ERAP1: variants seen among roughly 807,000 people sequenced by gnomAD.
The protein encoded by ERAP1 is adipocyte-derived leucine aminopeptidase.
ERAP1 carries 86 observed loss-of-function variants against 103.7 expected under a neutral mutation model. That is an observed-to-expected ratio of 0.83 (90% CI 0.70 to 0.99). The LOEUF (loss-of-function observed/expected upper bound fraction) is 0.99. ERAP1 is among the 50% of genes least tolerant of loss of function. The probability of loss-of-function intolerance (pLI) is 0.00; values close to 1 mark genes in which losing one functional copy is unlikely to be tolerated. For synonymous variants in ERAP1, 398 were observed against 402.4 expected, an observed-to-expected ratio of 0.99 and a Z score of 0.13; for missense variants, 1,009 against 1,128.4, an observed-to-expected ratio of 0.89 and a Z score of 1.52.
the ERAP1 span, among the ~76,000 whole-genome samples, chr5:96,854,472 G>A: frequency 6.6e-6 from 1 of 152,016 alleles, no homozygotes; most frequent in East Asian, 1.9e-4. Context: ...AAACCTCTGA[G>A]CACTCTTAAT....
At chr5:96,919,619 AAGT>A in the ERAP1 span, 1 of 152,172 alleles carries the variant, frequency 6.6e-6, no homozygotes, top group Non-Finnish European at 1.5e-5. Context: ...TGAGTACAGA[AAGT>A]AGCAATTTTA....
chr5:96,861,542 T>G, the ERAP1 span, among the ~76,000 whole-genome samples: 1 of 152,206 alleles, frequency 6.6e-6, no homozygotes, highest in Non-Finnish European at 1.5e-5. Flanking sequence ...AAAGCCTTAA[T>G]CAGAATTGGC....
At chr5:96,843,242 T>G in the ERAP1 span, among the ~76,000 whole-genome samples, 2 of 152,182 alleles carry the variant, frequency 1.3e-5, no homozygotes, top group Admixed American at 1.3e-4. Flanking sequence ...TTCTCGAGGT[T>G]TCCCACTGGT....
chr5:96,815,408 TTTTTTA>T, the ERAP1 span, among the ~76,000 whole-genome samples: 16 of 65,388 alleles, frequency 2.4e-4, no homozygotes, highest in South Asian at 5.7e-3. Context: ...GTTTGTTTTG[TTTTTTA>T]TTTTTTTTTT....
At position 96,775,950 on chromosome 5, in the gene ERAP1, T is replaced by C. The variant is rs1774200905; in HGVS notation, c.*446A>G. ...GGGATGGGCAGCGGGTCTGGAGGGGTGAGCCGGGAGAGCTTTAACCCAGTC... is the reference window on the plus strand; with the variant it reads ...GGGATGGGCAGCGGGTCTGGAGGGGCGAGCCGGGAGAGCTTTAACCCAGTC... On this transcript the variant is annotated 3_prime_UTR_variant, in exon 19 of 19. Transcript: ENST00000443439. 2.9e-6 allele frequency: 3 copies of C among 1,038,322 alleles called. No homozygotes were observed. The South Asian group carries it at 9.8e-5, about 34-fold the overall frequency. 64.3% of individuals were successfully genotyped at this position (1,038,322 alleles called of 1,614,324 possible).
the ERAP1 span, among the ~76,000 whole-genome samples, chr5:96,850,226 A>T: frequency 6.6e-6 from 1 of 152,182 alleles, no homozygotes; most frequent in Admixed American, 6.5e-5. Flanking sequence ...CAGGTAATAA[A>T]AGCAAAATAG....
At position 96,785,503 on chromosome 5, in the gene ERAP1, G is replaced by A. The variant is rs955412836; in HGVS notation, c.1943+285C>T. 4.6e-5 allele frequency: 19 copies of A among 413,502 alleles called. No individual in the cohort carries two copies. In the Middle Eastern group the frequency reaches 2.3e-3, roughly 50 times the overall value. 25.6% of individuals were successfully genotyped at this position (413,502 alleles called of 1,614,324 possible). A position where few individuals can be genotyped will look rare whatever the true frequency, so the allele number is the denominator to read the frequency against. On this transcript the variant is annotated intron_variant, in intron 13 of 18. Coordinates refer to ENST00000443439, the MANE Select transcript of ERAP1 (RefSeq NM_001040458.3). The stretch of plus-strand genomic sequence containing the variant: ...CCGCGGGGACAAGGCAAGGAGTTTC[G>A]CCAGGATGTTGATCTCCTGGTTATC...
At chr5:96,815,578 ATTTTTGTAC>A in the ERAP1 span, among the ~76,000 whole-genome samples, 1 of 151,798 alleles carries the variant, frequency 6.6e-6, no homozygotes, top group Non-Finnish European at 1.5e-5. Flanking sequence ...CATCCGGCTA[ATTTTTGTAC>A]TTTTAGTAGA....
At chr5:96,826,068 G>A in the ERAP1 span, among the ~76,000 whole-genome samples, 4 of 152,260 alleles carry the variant, frequency 2.6e-5, no homozygotes, top group African/African-American at 4.8e-5. Flanking sequence ...CCTTCATTCC[G>A]CATCCCTGAT....
At chr5:96,856,349 A>AAAAT in the ERAP1 span, among the ~76,000 whole-genome samples, 1 of 8,538 alleles carries the variant, frequency 1.2e-4, no homozygotes, top group East Asian at 4.9e-3. Context: ...AAAAAAAAAA[A>AAAAT]ATATATATAT....
upstream of ERAP1, among the ~76,000 whole-genome samples, chr5:96,810,153 G>A (rs961178886): frequency 1.3e-5 from 2 of 152,214 alleles, no homozygotes; most frequent in Admixed American, 6.5e-5. Context: ...CGTCTTTAGA[G>A]TTGAAGTGCA....
the ERAP1 span, among the ~76,000 whole-genome samples, chr5:96,860,696 A>C: frequency 9.9e-5 from 15 of 152,140 alleles, no homozygotes; most frequent in Non-Finnish European, 1.9e-4. Flanking sequence ...TTCCACAAGA[A>C]GGAGTTGGCT....
In ERAP1 at chr5:96,785,793, G is replaced by A. The variant is rs76598089; in HGVS notation, c.1938C>T (p.Leu646=). The change falls in exon 13 of 19, where the codon CTC becomes CTT. Residue 646 remains leucine (L), a synonymous_variant. Coordinates refer to ENST00000443439, the MANE Select transcript of ERAP1 (RefSeq NM_001040458.3). ...RASLINNAFQ[L]VSIGKLSIEK... ...CTTTGTGCAGCGTGTATTACCTGAC[G>A]AGCTGAAATGCATTGTTAATGAGAC... 1,098 of 1,614,026 alleles carry A rather than the reference G, an allele frequency of 6.8e-4. 4 individuals carry two copies. The African/African-American group carries it at 0.012, about 18-fold the overall frequency.
intron 18 of ERAP1, among the ~76,000 whole-genome samples, chr5:96,780,056 T>C (rs536844417): frequency 1.3e-5 from 2 of 152,362 alleles, no homozygotes; most frequent in Admixed American, 6.5e-5. Flanking sequence ...GGATGGTTTA[T>C]AAAGAACCTA....
the ERAP1 span, among the ~76,000 whole-genome samples, chr5:96,915,359 A>T: frequency 1.4e-4 from 22 of 152,314 alleles, no homozygotes; most frequent in African/African-American, 5.3e-4. Flanking sequence ...TTGCTCAAAA[A>T]ATCTTTACTG....
intron 7 of ERAP1, 46 bp from the exon 8 acceptor site, chr5:96,792,238 G>C (rs1561272838): frequency 6.3e-7 from 1 of 1,593,576 alleles, no homozygotes; most frequent in Non-Finnish European, 8.6e-7. Context: ...TTTACATTTA[G>C]ATAAAAAATG....
At chr5:96,832,440 A>C in the ERAP1 span, among the ~76,000 whole-genome samples, 8 of 152,330 alleles carry the variant, frequency 5.3e-5, no homozygotes, top group African/African-American at 9.6e-5. Context: ...TCTTGATTAA[A>C]TTGAGTGGAA....
chr5:96,912,106 T>C, the ERAP1 span, among the ~76,000 whole-genome samples: 90,537 of 145,704 alleles, frequency 0.62, 28,215 homozygotes, highest in South Asian at 0.73. Flanking sequence ...AGGAGAATGG[T>C]GTGAACCCCG....
At chr5:96,797,055 T>G in intron 4 of ERAP1, 120 bp downstream of exon 4, 1 of 1,175,418 alleles carries the variant, frequency 8.5e-7, no homozygotes, top group Non-Finnish European at 1.2e-6. Context: ...TCCCAAACTG[T>G]TGGGTTTATG....
Sources: allele counts gnomAD v4.1 joint callset (sites outside exome capture counted in the v4.1 genomes callset), GRCh38; gene constraint gnomAD v4.1.1; transcripts MANE v1.5; gene names NCBI Gene and HGNC (gene_info 2026-07-23, HGNC 2026-07-21).